Variants in PARP16 observed in about 807,000 individuals in gnomAD.
PARP16 encodes poly(ADP-ribose) polymerase family member 16.
A neutral mutation model predicts 35.0 loss-of-function variants in PARP16; 31 were observed. The ratio of observed to expected loss-of-function variants is 0.88; its 90% CI spans 0.66 to 1.19. The LOEUF is 1.19. PARP16 is among the 50% of genes most tolerant of loss of function. PARP16 has a pLI of 0.00. For synonymous variants in PARP16, 162 were observed against 169.5 expected (o/e 0.96, Z 0.34); for missense variants, 424 against 411.2 (o/e 1.03, Z -0.27).
Position 65,263,181 on chromosome 15 carries a change from T to C in PARP16, c.659A>G (p.His220Arg). 1 of 1,614,156 alleles carries C rather than the reference T, an allele frequency of 6.2e-7. No homozygotes were observed. Among genetic ancestry groups the C allele is most frequent in the Non-Finnish European group, 8.5e-7 (1 of 1,180,024 alleles). ...SCVAVCEVID[H>R]PDVKCQTKKK... Reference sequence around the variant, plus strand: ...CTTGGTTTGGCACTTGACGTCCGGATGGTCAATGACCTCACACACGGCCAC... The same window carrying C: ...CTTGGTTTGGCACTTGACGTCCGGACGGTCAATGACCTCACACACGGCCAC... Residue 220 changes from histidine (H) to arginine (R), a missense_variant, in exon 4 of 6, where the codon CAT becomes CGT. Coordinates refer to ENST00000649807, the MANE Select transcript of PARP16 (RefSeq NM_001316943.2).
chr15:65,240,307 T>TGGGGGGGGGGG (rs1415684617), intron 3 of PARP16, among the ~76,000 whole-genome samples: 1 of 70,456 alleles, frequency 1.4e-5, no homozygotes, highest in African/African-American at 3.7e-5. Context: ...TGTGTGTGTG[T>TGGGGGGGGGGG]GTGGTGGGGG....
At chr15:65,263,354 G>A (rs2089798155) in intron 3 of PARP16, 34 bp from the exon 4 acceptor site, 2 of 1,531,362 alleles carry the variant, frequency 1.3e-6, no homozygotes, top group African/African-American at 1.4e-5. Context: ...AAGAAACACA[G>A]ATGGTTGAAT....
intron 2 of PARP16, among the ~76,000 whole-genome samples, chr15:65,249,082 G>A (rs1356736129): frequency 2.0e-5 from 3 of 152,190 alleles, no homozygotes; most frequent in East Asian, 1.9e-4. Flanking sequence ...AACAGGCCTA[G>A]GGGACGAAAA....
intron 3 of PARP16, 114 bp from the exon 4 acceptor site, chr15:65,263,434 G>T: frequency 1.3e-6 from 1 of 783,872 alleles, no homozygotes; most frequent in South Asian, 1.9e-5. Context: ...TACAACCCCC[G>T]CTTTTTGCCC....
At chr15:65,253,424 G>C (rs1044576594), downstream of PARP16, among the ~76,000 whole-genome samples, 2 of 149,968 alleles carry the variant, frequency 1.3e-5, no homozygotes, top group African/African-American at 4.9e-5. Context: ...TCCGCCTCCC[G>C]GGTTCACGCC....
In PARP16 at chr15:65,240,309, T is replaced by TGTGG. The variant is rs1185530679; in HGVS notation, c.*98-5487_*98-5486insCCAC. Among the ~76,000 whole-genome samples, 422 of 86,508 alleles carry TGTGG rather than the reference T, an allele frequency of 4.9e-3. 2 individuals carry two copies. The highest frequency in any genetic ancestry group is 7.4e-3 in the Non-Finnish European group (284 of 38,202). 56.8% of individuals were successfully genotyped at this position (86,508 alleles called of 152,430 possible). A position where few individuals can be genotyped will look rare whatever the true frequency, so the allele number is the denominator to read the frequency against. On this transcript the variant is annotated intron_variant and NMD_transcript_variant, in intron 3 of 3. Transcript: ENST00000559805. ...CACGCCTGGCTAGTGTGTGTGTGTG[T>TGTGG]GGTGGGGGGGGCTAGTGTGTGTGTG...
At chr15:65,277,558 CCT>C (rs1479336341) in intron 1 of PARP16, among the ~76,000 whole-genome samples, 3 of 152,190 alleles carry the variant, frequency 2.0e-5, no homozygotes, top group African/African-American at 7.2e-5. Flanking sequence ...ATTCTCATAA[CCT>C]GTTTTGAAGA....
chr15:65,286,274 G>T lies in PARP16; in HGVS notation c.153C>A (p.Asp51Glu). 6.3e-7 allele frequency: 1 copy of T among 1,591,520 alleles called. No individual in the cohort carries two copies. Among genetic ancestry groups the T allele is most frequent in the Non-Finnish European group, 8.5e-7 (1 of 1,171,122 alleles). ...RPFPASYARGDCKDFEALLAD... is the reference protein window; with the variant it reads ...RPFPASYARGECKDFEALLAD... ...TCACCAGGGCTTCAAAGTCCTTACA[G>T]TCGCCGCGGGCGTAGGACGCGGGGA... The change falls in exon 1 of 6, where the codon GAC (aspartate) becomes GAA (glutamate). Residue 51 changes from aspartate to glutamate, a missense_variant. Asp to Glu is a conservative substitution (Grantham distance 45). Transcript: ENST00000649807.
In PARP16 at chr15:65,263,277, C is replaced by G. The variant is rs1444783928; in HGVS notation, c.563G>C (p.Ser188Thr). The G allele has an allele frequency of 6.2e-7, 1 of 1,611,088 alleles. No individual in the cohort carries two copies. The highest frequency in any genetic ancestry group is 1.3e-5 in the African/African-American group (1 of 74,804). The part of the protein sequence containing the change: ...GEGTYLTSDL[S>T]LALIYSPHGH... ...ATGGGGGCTGTATATGAGGGCCAGG[C>G]TCAAGTCACTGGTGAGGTAGGTCCC... Residue 188 changes from serine (S) to threonine (T), a missense_variant, in exon 4 of 6, where the codon AGC (serine) becomes ACC (threonine). Coordinates refer to ENST00000649807, the MANE Select transcript of PARP16 (RefSeq NM_001316943.2).
At chr15:65,267,383 G>T (rs1340219144) in intron 2 of PARP16, among the ~76,000 whole-genome samples, 1 of 151,790 alleles carries the variant, frequency 6.6e-6, no homozygotes, top group Non-Finnish European at 1.5e-5. Context: ...CGAGGCAGGC[G>T]GATCATGAGG....
intron 1 of PARP16, among the ~76,000 whole-genome samples, chr15:65,276,884 A>AG (rs2090274815): frequency 6.6e-6 from 1 of 151,870 alleles, no homozygotes; most frequent in South Asian, 2.1e-4. Flanking sequence ...TGGGAGGCTG[A>AG]GGCAGGAGAA....
downstream of PARP16, among the ~76,000 whole-genome samples, chr15:65,232,805 C>T (rs905496276): frequency 1.3e-5 from 2 of 151,966 alleles, no homozygotes; most frequent in African/African-American, 4.8e-5. Context: ...CCTGTAATTA[C>T]AGCACTTTGG....
At position 65,270,478 on chromosome 15, in the gene PARP16, T is replaced by C. The variant is rs575199802; in HGVS notation, c.312+457A>G. Among the ~76,000 whole-genome samples the C allele has an allele frequency of 2.7e-4, 41 of 152,312 alleles. No individual in the cohort carries two copies. In the South Asian group the frequency reaches 8.1e-3, roughly 30 times the overall value. ...CCTGATAACTGAACTAGGTCAGAGTTTCTTAAGGTATGGTCAGGGTCACCC... is the reference window on the plus strand; with the variant it reads ...CCTGATAACTGAACTAGGTCAGAGTCTCTTAAGGTATGGTCAGGGTCACCC... On this transcript the variant is annotated intron_variant, in intron 2 of 5. Transcript: ENST00000649807.
rs146460444 is a variant in PARP16, at chr15:65,284,725, C to A, written c.174+1528G>T. On this transcript the variant is annotated intron_variant, in intron 1 of 5. Coordinates refer to ENST00000649807, the MANE Select transcript of PARP16 (RefSeq NM_001316943.2). ...GTGTAAAACTGGGAATTACTTATTC[C>A]CTCAGTGATTGCTACAACTCACCAA... Among the ~76,000 whole-genome samples the A allele has an allele frequency of 5.2e-3, 793 of 151,968 alleles. 6 individuals carry two copies. The highest frequency in any genetic ancestry group is 0.018 in the African/African-American group (751 of 41,418).
chr15:65,281,666 G>A (rs1208473307), intron 1 of PARP16, among the ~76,000 whole-genome samples: 1 of 151,002 alleles, frequency 6.6e-6, no homozygotes, highest in Non-Finnish European at 1.5e-5. Context: ...ACTCCAGCCT[G>A]GGCAACAAGA....
Position 65,276,907 on chromosome 15 carries a change from G to C in PARP16, c.175-5835C>G, listed in dbSNP as rs1293986253. 2.0e-5 allele frequency among the ~76,000 whole-genome samples: 3 copies of C among 151,544 alleles called. No individual in the cohort carries two copies. The East Asian group carries it at 5.8e-4, about 29-fold the overall frequency. ...TGAGGCAGGAGAATCGCTTGAACCG[G>C]GGATGTGGATGTCGCAGTGAACCGA... is the stretch of plus-strand genomic sequence containing the variant. On this transcript the variant is annotated intron_variant, in intron 1 of 5. Coordinates refer to ENST00000649807, the MANE Select transcript of PARP16 (RefSeq NM_001316943.2).
At chr15:65,255,745 A>G (rs78126267), downstream of PARP16, among the ~76,000 whole-genome samples, 3,157 of 93,862 alleles carry the variant, frequency 0.034, 49 homozygotes, top group Non-Finnish European at 0.061. Context: ...AAAACTCAGA[A>G]AAAAAAAAAA....
chr15:65,248,742 A>G lies in PARP16; in HGVS notation c.203-514T>C, dbSNP rs536513877. Among the ~76,000 whole-genome samples the G allele has an allele frequency of 4.5e-4, 68 of 152,188 alleles. 1 individual carries two copies. In the East Asian group the frequency reaches 6.6e-3, roughly 15 times the overall value. The stretch of plus-strand genomic sequence containing the variant: ...CCTTCCCCCTCCTGTCTGCGGCCAG[A>G]GGGGGTTCCTAGAATTCCTTTTGCA... On this transcript the variant is annotated intron_variant and NMD_transcript_variant, in intron 2 of 3. Coordinates refer to the PARP16 transcript ENST00000559805.
downstream of PARP16, among the ~76,000 whole-genome samples, chr15:65,255,912 G>C (rs562939797): frequency 4.5e-4 from 69 of 152,136 alleles, no homozygotes; most frequent in Admixed American, 7.9e-4. Flanking sequence ...GCCAGGTCTC[G>C]GGGAACAGAA....
Sources: gnomAD v4.1 joint callset for allele counts (sites outside exome capture counted in the v4.1 genomes callset) on GRCh38, gnomAD v4.1.1 for gene constraint, MANE v1.5 for transcripts, NCBI Gene and HGNC (gene_info 2026-07-23, HGNC 2026-07-21) for gene names.